The following FRMD4A variants were observed in gnomAD, a reference collection of about 807,000 sequenced individuals.
FRMD4A encodes the protein FERM domain containing 4A.
Under a neutral mutation model 129.1 loss-of-function variants are expected in FRMD4A, and 29 were observed. The ratio of observed to expected loss-of-function variants is 0.22; its 90% CI spans 0.17 to 0.31. The LOEUF is 0.31. FRMD4A is among the 10% of genes least tolerant of loss of function. FRMD4A has a pLI of 1.00. For missense variants in FRMD4A, 1,272 were observed against 1,375.8 expected (o/e 0.92, Z 1.19); for synonymous variants, 634 against 571.6 (o/e 1.11, Z -1.56).
At chr10:13,792,245 T>C (rs529193123) in intron 5 of FRMD4A, among the ~76,000 whole-genome samples, 1 of 152,334 alleles carries the variant, frequency 6.6e-6, no homozygotes, top group South Asian at 2.1e-4. Context: ...ATGCTGGTTC[T>C]GCAAACATGG....
At chr10:14,066,768 C>A (rs896688807) in intron 2 of FRMD4A, among the ~76,000 whole-genome samples, 4 of 152,006 alleles carry the variant, frequency 2.6e-5, no homozygotes, top group Admixed American at 6.6e-5. Flanking sequence ...GCATAAAAAT[C>A]TGCAAAGCAA....
intron 15 of FRMD4A, chr10:13,684,251 G>T: frequency 1.2e-6 from 1 of 850,328 alleles, no homozygotes; most frequent in Non-Finnish European, 1.4e-6. Context: ...TGGCCAACGA[G>T]GAAGACAAAA....
rs1564493996 is a variant in FRMD4A at position 13,646,159 on chromosome 10, T to C, written c.*879A>G. On this transcript the variant is annotated 3_prime_UTR_variant, in exon 25 of 25. Transcript: ENST00000357447. ...GTGGCATTGGGGCAGTTTTTCAGGCTCTCTACGGAGAGAGAAGTGGGCCAG... is the reference window on the plus strand; with the variant it reads ...GTGGCATTGGGGCAGTTTTTCAGGCCCTCTACGGAGAGAGAAGTGGGCCAG... 1 of 152,420 alleles carries C rather than the reference T, an allele frequency of 6.6e-6. No individual in the cohort carries two copies. Among genetic ancestry groups the C allele is most frequent in the Non-Finnish European group, 1.5e-5 (1 of 68,032 alleles). The allele number at this position is 152,420 out of a possible 1,614,324, so 9.4% of individuals were successfully genotyped here.
At chr10:13,694,109 C>T (rs1022411658) in intron 14 of FRMD4A, 70 bp from the exon 15 acceptor site, 37 of 1,300,794 alleles carry the variant, frequency 2.8e-5, no homozygotes, top group South Asian at 6.2e-5. Flanking sequence ...ATCCCTCGCC[C>T]GCGCCTGCTC....
intron 4 of FRMD4A, among the ~76,000 whole-genome samples, chr10:13,799,044 G>A (rs959667207): frequency 2.7e-4 from 41 of 152,250 alleles, no homozygotes; most frequent in South Asian, 1.7e-3. Flanking sequence ...GGGTGGGATG[G>A]GGGGGTCCTC....
rs998557274 is a variant in FRMD4A, at chr10:13,705,462, G to A, written c.836+1575C>T. On this transcript the variant is annotated intron_variant, in intron 13 of 24. Coordinates refer to ENST00000357447, the MANE Select transcript of FRMD4A (RefSeq NM_018027.5). ...GCATGGCGGAGGGTCTATTCCCTGC[G>A]CTCAGCCCCTTAGATTACCCAGCCC... is the stretch of plus-strand genomic sequence containing the variant. Among the ~76,000 whole-genome samples the A allele has an allele frequency of 7.2e-5, 11 of 152,276 alleles. No homozygotes were observed. In the South Asian group the frequency reaches 2.1e-3, roughly 29 times the overall value.
chr10:14,072,361 A>T (rs1835356353), intron 2 of FRMD4A, among the ~76,000 whole-genome samples: 1 of 152,252 alleles, frequency 6.6e-6, no homozygotes, highest in South Asian at 2.1e-4. Flanking sequence ...CAAAAATAAC[A>T]ACCGTGGCTA....
Position 14,110,125 on chromosome 10 carries a change from T to TTAAAAAAAAAAAAAAAAAAAA in FRMD4A, c.45+219932_45+219933insTTTTTTTTTTTTTTTTTTTTA, listed in dbSNP as rs372420987. ...GGCTGGGCAACAAAGCGAGATGCTG[T>TTAAAAAAAAAAAAAAAAAAAA]AAAAAAAAAAAAAAAAAAAAAAGCT... On this transcript the variant is annotated intron_variant, in intron 2 of 24. Coordinates refer to ENST00000357447, the MANE Select transcript of FRMD4A (RefSeq NM_018027.5). 4.2e-4 allele frequency among the ~76,000 whole-genome samples: 38 copies of TTAAAAAAAAAAAAAAAAAAAA among 89,554 alleles called. 8 individuals are homozygous for TTAAAAAAAAAAAAAAAAAAAA. The highest frequency in any genetic ancestry group is 1.5e-3 in the South Asian group (4 of 2,592). The allele number at this position is 89,554 out of a possible 152,430, so 58.8% of individuals were successfully genotyped here.
intron 2 of FRMD4A, chr10:13,871,037 C>G (rs1269704093): frequency 6.3e-6 from 1 of 159,530 alleles, no homozygotes. Context: ...TAACTGCATC[C>G]TCAGCATGCT....
At chr10:13,890,329 A>C (rs2094680339) in intron 2 of FRMD4A, 1 of 157,178 alleles carries the variant, frequency 6.4e-6, no homozygotes, top group Middle Eastern at 3.3e-3. Context: ...AGTTTCATGA[A>C]GTCTAAGGGA....
chr10:14,266,247 C>T (rs937369088), intron 2 of FRMD4A, among the ~76,000 whole-genome samples: 17 of 152,004 alleles, frequency 1.1e-4, no homozygotes, highest in Admixed American at 4.6e-4. Context: ...ATAGTGCCCC[C>T]GAATTGTGAC....
At chr10:14,132,938 C>T (rs1839338640) in intron 2 of FRMD4A, among the ~76,000 whole-genome samples, 1 of 152,206 alleles carries the variant, frequency 6.6e-6, no homozygotes, top group African/African-American at 2.4e-5. Context: ...CATTAGAATT[C>T]TAAAGACAAG....
At chr10:14,095,454 G>A (rs138439090) in intron 2 of FRMD4A, among the ~76,000 whole-genome samples, 1 of 152,176 alleles carries the variant, frequency 6.6e-6, no homozygotes, top group African/African-American at 2.4e-5. Context: ...TACAGTTGTC[G>A]ATTGAATTGG....
intron 5 of FRMD4A, among the ~76,000 whole-genome samples, chr10:13,785,955 C>G (rs1465095587): frequency 6.6e-6 from 1 of 152,204 alleles, no homozygotes; most frequent in Admixed American, 6.6e-5. Flanking sequence ...ATGAACTCAT[C>G]CTTTTTTGTG....
At chr10:14,174,494 C>T (rs1420282485) in intron 2 of FRMD4A, among the ~76,000 whole-genome samples, 1 of 152,202 alleles carries the variant, frequency 6.6e-6, no homozygotes, top group Admixed American at 6.5e-5. Context: ...GGCTCTGTAG[C>T]TTGTTCTCTC....
chr10:14,054,935 C>T (rs928307088), intron 2 of FRMD4A, among the ~76,000 whole-genome samples: 1 of 152,162 alleles, frequency 6.6e-6, no homozygotes, highest in African/African-American at 2.4e-5. Flanking sequence ...GAGGACTTTC[C>T]AGCCACATGG....
intron 2 of FRMD4A, among the ~76,000 whole-genome samples, chr10:13,933,959 C>T (rs1366042610): frequency 1.3e-5 from 2 of 152,190 alleles, no homozygotes; most frequent in East Asian, 1.9e-4. Flanking sequence ...GCATCCTTGA[C>T]AGCTCTATAA....
intron 2 of FRMD4A, among the ~76,000 whole-genome samples, chr10:14,135,923 A>G (rs1282386895): frequency 6.6e-6 from 1 of 152,206 alleles, no homozygotes; most frequent in Non-Finnish European, 1.5e-5. Flanking sequence ...ACAAATAAAG[A>G]TGCTATATTG....
At position 14,323,260 on chromosome 10, in the gene FRMD4A, T is replaced by A. The variant is rs542574715; in HGVS notation, c.45+6798A>T. Among the ~76,000 whole-genome samples the A allele has an allele frequency of 3.3e-5, 5 of 152,340 alleles. No individual in the cohort carries two copies. The South Asian group carries it at 8.3e-4, about 25-fold the overall frequency. On this transcript the variant is annotated intron_variant, in intron 2 of 24. Coordinates refer to ENST00000357447, the MANE Select transcript of FRMD4A (RefSeq NM_018027.5). ...CAGGTAGACAATCATTTCATATCTT[T>A]TTAAGACAAAGGAAGGGACTACTAG...
Sources: gnomAD v4.1 joint callset for allele counts (sites outside exome capture counted in the v4.1 genomes callset) on GRCh38, gnomAD v4.1.1 for gene constraint, MANE v1.5 for transcripts, NCBI Gene and HGNC (gene_info 2026-07-23, HGNC 2026-07-21) for gene names.